HIBADH: variants seen among roughly 807,000 people sequenced by gnomAD.
HIBADH encodes 3-hydroxyisobutyrate dehydrogenase.
Under a neutral mutation model 36.1 loss-of-function variants are expected in HIBADH, and 25 were observed. The ratio of observed to expected loss-of-function variants is 0.69; its 90% CI spans 0.50 to 0.97. The LOEUF (loss-of-function observed/expected upper bound fraction) is 0.97. HIBADH is among the 50% of genes least tolerant of loss of function. The pLI is 0.00. For synonymous variants in HIBADH, 160 were observed against 149.5 expected (o/e 1.07, Z -0.51); for missense variants, 421 against 418.0 (o/e 1.01, Z -0.06).
At position 27,607,372 on chromosome 7, in the gene HIBADH, G is replaced by A. The variant is rs142435855; in HGVS notation, c.484+21999C>T. On this transcript the variant is annotated intron_variant, in intron 4 of 7. Coordinates refer to ENST00000265395, the MANE Select transcript of HIBADH (RefSeq NM_152740.4). ...AAAATATAAAAAATTAGCCGGGCAT[G>A]GTAGCTCATGCCTATAATCCCAGCT... Among the ~76,000 whole-genome samples, 86 of 152,176 alleles carry A rather than the reference G, an allele frequency of 5.7e-4. 2 individuals are homozygous for A. The East Asian group carries it at 0.013, about 23-fold the overall frequency.
intron 2 of HIBADH, among the ~76,000 whole-genome samples, chr7:27,637,375 CATT>C (rs1785858871): frequency 6.6e-6 from 1 of 152,144 alleles, no homozygotes; most frequent in Non-Finnish European, 1.5e-5. Context: ...AAGATCTGAT[CATT>C]ATTATCAGTT....
intron 4 of HIBADH, among the ~76,000 whole-genome samples, chr7:27,600,167 A>C (rs1785105170): frequency 6.6e-6 from 1 of 152,116 alleles, no homozygotes; most frequent in South Asian, 2.1e-4. Flanking sequence ...ACACTGTCAT[A>C]TGTTCACTTA....
intron 5 of HIBADH, among the ~76,000 whole-genome samples, chr7:27,540,618 C>T (rs1784134698): frequency 6.6e-6 from 1 of 152,134 alleles, no homozygotes. Flanking sequence ...GTAATCTTTC[C>T]AGATTTTCAT....
intron 4 of HIBADH, among the ~76,000 whole-genome samples, chr7:27,613,562 A>G (rs1022999986): frequency 6.6e-6 from 1 of 152,028 alleles, no homozygotes; most frequent in African/African-American, 2.4e-5. Flanking sequence ...GATCTTTAAC[A>G]GAAACTTTCC....
intron 4 of HIBADH, 142 bp downstream of exon 4, chr7:27,629,229 G>T (rs137953527): frequency 1.2e-5 from 8 of 668,226 alleles, no homozygotes; most frequent in Non-Finnish European, 1.2e-5. Flanking sequence ...ACTAAATAAC[G>T]TATCAGTTTG....
intron 4 of HIBADH, among the ~76,000 whole-genome samples, chr7:27,576,523 A>G (rs932210696): frequency 1.2e-4 from 18 of 152,184 alleles, no homozygotes; most frequent in African/African-American, 3.9e-4. Flanking sequence ...TTAAAAGTTG[A>G]TTACTAAACA....
chr7:27,565,370 G>T (rs942124829), intron 4 of HIBADH, among the ~76,000 whole-genome samples: 1 of 152,154 alleles, frequency 6.6e-6, no homozygotes, highest in Non-Finnish European at 1.5e-5. Flanking sequence ...CTCCTCTTGG[G>T]AACTGTAAGT....
chr7:27,661,616 G>C (rs1277225852), intron 1 of HIBADH, among the ~76,000 whole-genome samples: 4 of 151,184 alleles, frequency 2.6e-5, no homozygotes, highest in Admixed American at 2.6e-4. Flanking sequence ...AAAAGGGCGG[G>C]GGGCCAAGGG....
intron 2 of HIBADH, among the ~76,000 whole-genome samples, chr7:27,635,746 T>C (rs553346304): frequency 6.6e-6 from 1 of 152,344 alleles, no homozygotes; most frequent in South Asian, 2.1e-4. Flanking sequence ...GTCATTGGCC[T>C]GGCTGACTCT....
At chr7:27,567,248 T>C (rs892983365) in intron 4 of HIBADH, among the ~76,000 whole-genome samples, 1 of 152,146 alleles carries the variant, frequency 6.6e-6, no homozygotes, top group Non-Finnish European at 1.5e-5. Flanking sequence ...GTTAGTGTCT[T>C]CTTGGTGAAT....
intron 1 of HIBADH, 105 bp from the exon 2 acceptor site, chr7:27,649,738 A>C: frequency 9.2e-7 from 1 of 1,087,580 alleles, no homozygotes; most frequent in East Asian, 2.7e-5. Flanking sequence ...TTTTAATAAA[A>C]GAAACTTTCA....
chr7:27,574,260 T>A (rs1784671530), intron 4 of HIBADH, among the ~76,000 whole-genome samples: 1 of 151,174 alleles, frequency 6.6e-6, no homozygotes, highest in Non-Finnish European at 1.5e-5. Context: ...AAATTTCAGA[T>A]CCCACAGCTT....
intron 4 of HIBADH, among the ~76,000 whole-genome samples, chr7:27,579,230 AT>A (rs1784756823): frequency 6.6e-6 from 1 of 152,230 alleles, no homozygotes; most frequent in Non-Finnish European, 1.5e-5. Context: ...TTTTGGAGTT[AT>A]GTCCCTATTC....
At chr7:27,545,009 A>G (rs1362152028) in intron 4 of HIBADH, among the ~76,000 whole-genome samples, 1 of 152,238 alleles carries the variant, frequency 6.6e-6, no homozygotes, top group Non-Finnish European at 1.5e-5. Flanking sequence ...TTCCGACTTC[A>G]TCATAACCTA....
At chr7:27,645,461 C>A (rs1786051972) in intron 2 of HIBADH, among the ~76,000 whole-genome samples, 1 of 144,712 alleles carries the variant, frequency 6.9e-6, no homozygotes, top group South Asian at 2.3e-4. Context: ...TCACTGCAAC[C>A]TCCACCTCCT....
chr7:27,544,847 T>C lies in HIBADH; in HGVS notation c.485-1747A>G, dbSNP rs140066733. On this transcript the variant is annotated intron_variant, in intron 4 of 7. Transcript: ENST00000265395. ...CAGCTGGTTAGTCTTTTGACAGGTG[T>C]ACTTTCTCACTTATTCAAACACATA... 7.9e-3 allele frequency among the ~76,000 whole-genome samples: 1,211 copies of C among 152,338 alleles called. 13 individuals are homozygous for C. The highest frequency in any genetic ancestry group is 0.023 in the African/African-American group (949 of 41,574).
At chr7:27,624,876 T>C (rs1173974287) in intron 4 of HIBADH, among the ~76,000 whole-genome samples, 1 of 152,232 alleles carries the variant, frequency 6.6e-6, no homozygotes, top group Middle Eastern at 3.2e-3. Flanking sequence ...CTCAAGTTTT[T>C]AAACATTTAG....
Position 27,632,406 on chromosome 7 carries a change from T to C in HIBADH, c.292A>G (p.Arg98Gly). The change falls in exon 3 of 8, where the codon AGA becomes GGA. Residue 98 changes from arginine (R) to glycine (G), a missense_variant. By Grantham distance (125) the Arg-to-Gly change is moderately radical (BLOSUM62 -2). Transcript: ENST00000265395. ...CTGGTGGGCAGCATTGTAATAATTC[T>C]GTCAGCTTTTTCAGCAACATCTGCT... ...SPADVAEKAD[R>G]IITMLPTSIN... The C allele has an allele frequency of 1.2e-6, 2 of 1,613,694 alleles. No homozygotes were observed. Among genetic ancestry groups the C allele is most frequent in the Non-Finnish European group, 1.7e-6 (2 of 1,179,722 alleles).
intron 1 of HIBADH, among the ~76,000 whole-genome samples, chr7:27,656,252 C>T (rs1786301918): frequency 6.6e-6 from 1 of 152,152 alleles, no homozygotes; most frequent in Non-Finnish European, 1.5e-5. Context: ...CCATAGCAAT[C>T]CCTACTATGT....
Sources: allele counts gnomAD v4.1 joint callset (sites outside exome capture counted in the v4.1 genomes callset), GRCh38; gene constraint gnomAD v4.1.1; transcripts MANE v1.5; gene names NCBI Gene and HGNC (gene_info 2026-07-23, HGNC 2026-07-21).